Variants in FGF14 observed in about 807,000 individuals in gnomAD.
FGF14 encodes fibroblast growth factor 14.
A neutral mutation model predicts 25.5 loss-of-function variants in FGF14; 5 were observed. The ratio of observed to expected loss-of-function variants is 0.20; its 90% CI spans 0.10 to 0.41. FGF14 has a LOEUF of 0.41. Ranked by LOEUF, FGF14 falls within the 10% of genes least tolerant of loss-of-function variation. The pLI is 1.00. For synonymous variants in FGF14, 138 were observed against 118.3 expected, an observed-to-expected ratio of 1.17 and a Z score of -1.08; for missense variants, 222 against 320.1, an observed-to-expected ratio of 0.69 and a Z score of 2.34.
intron 1 of FGF14, among the ~76,000 whole-genome samples, chr13:102,148,423 A>C (rs572461605): frequency 4.3e-4 from 65 of 152,308 alleles, no homozygotes; most frequent in African/African-American, 1.5e-3. Flanking sequence ...AAAATGAAAA[A>C]ATCATCACAT....
intron 1 of FGF14, among the ~76,000 whole-genome samples, chr13:102,363,009 G>C (rs899799370): frequency 6.6e-6 from 1 of 152,092 alleles, no homozygotes; most frequent in Non-Finnish European, 1.5e-5. Flanking sequence ...ATGAAAAATA[G>C]TGAGCATGTT....
intron 3 of FGF14, among the ~76,000 whole-genome samples, chr13:101,839,923 C>G (rs1664938479): frequency 6.6e-6 from 1 of 151,878 alleles, no homozygotes; most frequent in Non-Finnish European, 1.5e-5. Context: ...CTAGGAGAAC[C>G]GAGCTAGGAG....
chr13:102,107,368 C>G (rs2044974628), intron 1 of FGF14, among the ~76,000 whole-genome samples: 1 of 152,064 alleles, frequency 6.6e-6, no homozygotes, highest in Admixed American at 6.5e-5. Context: ...TAAGGAAAGA[C>G]AGCTGGAAAT....
At chr13:102,196,368 G>A (rs769085361) in intron 1 of FGF14, among the ~76,000 whole-genome samples, 3 of 152,084 alleles carry the variant, frequency 2.0e-5, no homozygotes, top group Non-Finnish European at 4.4e-5. Context: ...AGAAATGAAT[G>A]AGTCAATTGT....
intron 3 of FGF14, among the ~76,000 whole-genome samples, chr13:101,764,384 G>T (rs1887696): frequency 0.41 from 62,289 of 152,056 alleles, 14,380 homozygotes; most frequent in Non-Finnish European, 0.52. Flanking sequence ...CAAGCAAGTT[G>T]CGCAGTTAAG....
At chr13:101,873,567 G>C (rs2045229531) in intron 2 of FGF14, among the ~76,000 whole-genome samples, 1 of 152,046 alleles carries the variant, frequency 6.6e-6, no homozygotes. Flanking sequence ...CAGAAATTAT[G>C]AATCGCTAAA....
intron 3 of FGF14, among the ~76,000 whole-genome samples, chr13:101,782,950 C>T (rs994349366): frequency 1.3e-5 from 2 of 152,174 alleles, no homozygotes; most frequent in Admixed American, 6.5e-5. Flanking sequence ...GAGGAATTGT[C>T]ACTCTGTCTT....
At chr13:102,352,668 C>T (rs1003675120) in intron 1 of FGF14, among the ~76,000 whole-genome samples, 1 of 151,890 alleles carries the variant, frequency 6.6e-6, no homozygotes. Context: ...AAAAATTAGC[C>T]GGGGGCGGTG....
intron 1 of FGF14, among the ~76,000 whole-genome samples, chr13:102,007,698 G>T (rs2039878312): frequency 6.6e-6 from 1 of 152,202 alleles, no homozygotes; most frequent in African/African-American, 2.4e-5. Flanking sequence ...CTCTGAAAAT[G>T]GAAGAGCTGT....
chr13:102,342,808 C>T (rs1278353597), intron 1 of FGF14, among the ~76,000 whole-genome samples: 19 of 152,082 alleles, frequency 1.2e-4, no homozygotes, highest in Admixed American at 1.2e-3. Flanking sequence ...TCAATAGGCA[C>T]ATTTCCATAG....
chr13:102,004,542 C>A (rs895375970), intron 1 of FGF14, among the ~76,000 whole-genome samples: 10 of 152,166 alleles, frequency 6.6e-5, no homozygotes, highest in Non-Finnish European at 1.2e-4. Context: ...TAACAACAAG[C>A]CTCTCTCTAG....
chr13:102,096,339 C>T (rs1433252387), intron 1 of FGF14, among the ~76,000 whole-genome samples: 1 of 151,936 alleles, frequency 6.6e-6, no homozygotes, highest in Admixed American at 6.6e-5. Context: ...ACTAGTCCTC[C>T]TTGAAAAATG....
chr13:101,785,682 A>G (rs2039779238), intron 3 of FGF14, among the ~76,000 whole-genome samples: 1 of 152,160 alleles, frequency 6.6e-6, no homozygotes, highest in Non-Finnish European at 1.5e-5. Context: ...ACCGTATTCT[A>G]TTATCAAAGT....
chr13:102,114,462 T>C (rs114579459), intron 1 of FGF14, among the ~76,000 whole-genome samples: 136 of 152,346 alleles, frequency 8.9e-4, no homozygotes, highest in African/African-American at 3.0e-3. Context: ...GCTTTTGGTG[T>C]CAATTCCAAG....
At chr13:102,317,958 C>G (rs984488681) in intron 1 of FGF14, among the ~76,000 whole-genome samples, 2 of 152,180 alleles carry the variant, frequency 1.3e-5, no homozygotes, top group East Asian at 3.9e-4. Flanking sequence ...TGGCCTACTA[C>G]AACAATTGCA....
chr13:101,998,132 C>G (rs547806669), intron 1 of FGF14, among the ~76,000 whole-genome samples: 1 of 151,856 alleles, frequency 6.6e-6, no homozygotes, highest in African/African-American at 2.4e-5. Flanking sequence ...AGTCGCAATA[C>G]GCTTCTCAAA....
At chr13:102,150,782 G>A (rs2047050121) in intron 1 of FGF14, among the ~76,000 whole-genome samples, 1 of 152,144 alleles carries the variant, frequency 6.6e-6, no homozygotes, top group Non-Finnish European at 1.5e-5. Context: ...GACATTTTTG[G>A]TTGTCAGCTA....
intron 1 of FGF14, among the ~76,000 whole-genome samples, chr13:102,017,831 T>G (rs999679468): frequency 6.6e-6 from 1 of 152,136 alleles, no homozygotes; most frequent in Admixed American, 6.6e-5. Context: ...TGGACTGTAT[T>G]CTTAGAGAAT....
intron 3 of FGF14, among the ~76,000 whole-genome samples, chr13:101,727,936 G>C (rs939444222): frequency 6.6e-6 from 1 of 151,986 alleles, no homozygotes; most frequent in African/African-American, 2.4e-5. Flanking sequence ...TTCTTTAATA[G>C]ATTTTATTAT....
Sources: gnomAD v4.1 joint callset for allele counts (sites outside exome capture counted in the v4.1 genomes callset) on GRCh38, gnomAD v4.1.1 for gene constraint, MANE v1.5 for transcripts, NCBI Gene and HGNC (gene_info 2026-07-23, HGNC 2026-07-21) for gene names.